Variants in BICD1 observed in about 807,000 individuals in gnomAD.
BICD1 encodes the protein BICD cargo adaptor 1.
In BICD1, 35 loss-of-function variants were observed where a neutral mutation model predicts 92.5. The ratio of observed to expected loss-of-function variants is 0.38; its 90% confidence interval spans 0.29 to 0.50. The LOEUF (loss-of-function observed/expected upper bound fraction) is 0.50. BICD1 is among the 20% of genes least tolerant of loss of function. BICD1 has a pLI of 0.93. For missense variants in BICD1, 950 were observed against 1,189.8 expected, an observed-to-expected ratio of 0.80 and a Z score of 2.97; for synonymous variants, 429 against 465.1, an observed-to-expected ratio of 0.92 and a Z score of 1.00.
intron 5 of BICD1, among the ~76,000 whole-genome samples, chr12:32,331,353 T>C (rs1291378882): frequency 1.3e-5 from 2 of 152,216 alleles, no homozygotes; most frequent in Non-Finnish European, 2.9e-5. Context: ...TTTAGAGTGA[T>C]GTAAACAGTA....
At chr12:32,363,433 G>C (rs765041232) in intron 8 of BICD1, among the ~76,000 whole-genome samples, 7 of 152,114 alleles carry the variant, frequency 4.6e-5, no homozygotes, top group Non-Finnish European at 1.0e-4. Context: ...CATTTCCCAA[G>C]CCTGTGGCCT....
Position 32,143,314 on chromosome 12 carries a change from T to C in BICD1, c.213+35770T>C, listed in dbSNP as rs116844560. 1.1e-3 allele frequency among the ~76,000 whole-genome samples: 165 copies of C among 152,348 alleles called. 1 individual carries two copies. In the East Asian group the frequency reaches 0.022, roughly 20 times the overall value. On this transcript the variant is annotated intron_variant, in intron 1 of 9. Transcript: ENST00000652176. ...AGCTTTCTCTGTCCCAGACAACCAT[T>C]GTCCACAACTTGTTGTAATAATTTA...
chr12:32,270,960 A>G (rs1350747636), intron 2 of BICD1, among the ~76,000 whole-genome samples: 1 of 152,152 alleles, frequency 6.6e-6, no homozygotes, highest in East Asian at 1.9e-4. Flanking sequence ...CAACATAGAG[A>G]GCAGCCGCTG....
chr12:32,117,071 G>T (rs1941942343), intron 1 of BICD1, among the ~76,000 whole-genome samples: 1 of 152,148 alleles, frequency 6.6e-6, no homozygotes, highest in South Asian at 2.1e-4. Context: ...GAGTCACTGG[G>T]AGCCAGATTT....
chr12:32,372,241 A>T (rs1939767613), intron 9 of BICD1, among the ~76,000 whole-genome samples: 1 of 152,158 alleles, frequency 6.6e-6, no homozygotes, highest in Non-Finnish European at 1.5e-5. Context: ...GCACTTTGGG[A>T]GGCCAAGGTG....
Position 32,161,428 on chromosome 12 carries a change from C to T in BICD1, c.213+53884C>T, listed in dbSNP as rs554484766. 3.5e-4 allele frequency among the ~76,000 whole-genome samples: 53 copies of T among 152,186 alleles called. 3 individuals are homozygous for T. The South Asian group carries it at 0.011, about 30-fold the overall frequency. On this transcript the variant is annotated intron_variant, in intron 1 of 9. Coordinates refer to ENST00000652176, the MANE Select transcript of BICD1 (RefSeq NM_001714.4). The stretch of plus-strand genomic sequence containing the variant: ...TTAGGAGAGAACAGTTTTACTTAAC[C>T]GTAATTGTTGAATTATAGCCATTGG...
At chr12:32,197,776 C>G (rs960246298) in intron 1 of BICD1, among the ~76,000 whole-genome samples, 2 of 152,164 alleles carry the variant, frequency 1.3e-5, no homozygotes, top group Non-Finnish European at 2.9e-5. Context: ...GGGTTTCACC[C>G]AGCAAGAGTT....
chr12:32,231,559 CTTTATTTATTTATTTA>C lies in BICD1; in HGVS notation c.426+15127_426+15142del, dbSNP rs150346060. On this transcript the variant is annotated intron_variant, in intron 2 of 9. Coordinates refer to ENST00000652176, the MANE Select transcript of BICD1 (RefSeq NM_001714.4). ...TACCAATTCTTTTAATTTGTGACTG[CTTTATTTATTTATTTA>C]TTTATTTATTTATTTATTTATTTAT... 3.1e-3 allele frequency among the ~76,000 whole-genome samples: 459 copies of C among 147,792 alleles called. 2 individuals are homozygous for C. Among genetic ancestry groups the C allele is most frequent in the African/African-American group, 9.1e-3 (367 of 40,218 alleles).
Position 32,130,930 on chromosome 12 carries a change from C to T in BICD1, c.213+23386C>T, listed in dbSNP as rs148661809. On this transcript the variant is annotated intron_variant, in intron 1 of 9. Transcript: ENST00000652176. ...TCAGCTCACTGCAACCTCTGCCTTT[C>T]GGGTTCAAGCAATTCTCCTGCCTTA... Among the ~76,000 whole-genome samples the T allele has an allele frequency of 8.1e-3, 1,233 of 152,176 alleles. 19 individuals carry two copies. The highest frequency in any genetic ancestry group is 0.028 in the African/African-American group (1,148 of 41,514).
intron 1 of BICD1, among the ~76,000 whole-genome samples, chr12:32,164,416 A>G (rs867213755): frequency 2.2e-4 from 33 of 152,338 alleles, no homozygotes; most frequent in African/African-American, 7.7e-4. Flanking sequence ...AAATCAGAAT[A>G]TATGGTTCAA....
At chr12:32,282,846 A>G (rs1056586383) in intron 2 of BICD1, among the ~76,000 whole-genome samples, 2 of 152,206 alleles carry the variant, frequency 1.3e-5, no homozygotes, top group African/African-American at 2.4e-5. Context: ...CACCGATCCA[A>G]TGACAACGTG....
At chr12:32,152,868 AG>A (rs1330058625) in intron 1 of BICD1, among the ~76,000 whole-genome samples, 1 of 152,216 alleles carries the variant, frequency 6.6e-6, no homozygotes, top group Non-Finnish European at 1.5e-5. Flanking sequence ...ATCTGAGAAA[AG>A]GTTGTTCAGT....
In BICD1 at chr12:32,289,531, G is replaced by A. The variant is rs188040345; in HGVS notation, c.427-4463G>A. On this transcript the variant is annotated intron_variant, in intron 2 of 9. Transcript: ENST00000652176. Reference sequence around the variant, plus strand: ...CTCCCAAGTAGCTAGGACTACAGGCGCGTGCCACCACACCCAGCTAATTTT... The same window carrying A: ...CTCCCAAGTAGCTAGGACTACAGGCACGTGCCACCACACCCAGCTAATTTT... Among the ~76,000 whole-genome samples the A allele has an allele frequency of 1.1e-4, 17 of 152,258 alleles. No individual in the cohort carries two copies. In the East Asian group the frequency reaches 1.2e-3, roughly 10 times the overall value.
chr12:32,223,056 G>T (rs1945581509), intron 2 of BICD1, among the ~76,000 whole-genome samples: 2 of 152,206 alleles, frequency 1.3e-5, no homozygotes, highest in South Asian at 4.1e-4. Flanking sequence ...ATCTTAGCTA[G>T]ATCTGCTGGA....
intron 1 of BICD1, among the ~76,000 whole-genome samples, chr12:32,120,887 GAGAGAGAGAA>G (rs1051440138): frequency 8.2e-4 from 38 of 46,490 alleles, no homozygotes; most frequent in African/African-American, 1.9e-3. Flanking sequence ...GAGAGAGAGA[GAGAGAGAGAA>G]AAAAAAAAGG....
At chr12:32,121,133 T>C (rs1469206546) in intron 1 of BICD1, among the ~76,000 whole-genome samples, 3 of 151,908 alleles carry the variant, frequency 2.0e-5, no homozygotes, top group Non-Finnish European at 4.4e-5. Context: ...CATGCCTGGC[T>C]AAGTTTTTGT....
chr12:32,328,346 A>G lies in BICD1; in HGVS notation c.1891A>G (p.Ile631Val), dbSNP rs201557218. 9.3e-6 allele frequency: 15 copies of G among 1,614,140 alleles called. No individual in the cohort carries two copies. In the East Asian group the frequency reaches 1.8e-4, roughly 19 times the overall value. The change falls in exon 5 of 10, where the codon ATA becomes GTA. Residue 631 changes from isoleucine to valine, a missense_variant. Physicochemically the swap from Ile to Val is conservative, Grantham distance 29 (BLOSUM62 3). Coordinates refer to ENST00000652176, the MANE Select transcript of BICD1 (RefSeq NM_001714.4). The surrounding 1 kb of genome is among the most constrained non-coding windows in gnomAD (Gnocchi z 4.4). ...EPMNIYNLNAIIRDQIKHLQK... is the reference protein window; with the variant it reads ...EPMNIYNLNAVIRDQIKHLQK... ...AATGAATATCTACAACCTTAATGCC[A>G]TAATCCGGGACCAAATCAAGCATCT...
At chr12:32,340,656 T>A in intron 8 of BICD1, 17 of 401,342 alleles carry the variant, frequency 4.2e-5, no homozygotes, top group South Asian at 1.0e-4. Flanking sequence ...CATGAATATA[T>A]ACTTTATATT....
At chr12:32,141,523 G>C (rs774939809) in intron 1 of BICD1, among the ~76,000 whole-genome samples, 2 of 152,182 alleles carry the variant, frequency 1.3e-5, no homozygotes, top group Admixed American at 1.3e-4. Flanking sequence ...GCCCAGGCTG[G>C]AGTGCAGTGG....
Sources: allele counts gnomAD v4.1 joint callset (sites outside exome capture counted in the v4.1 genomes callset), GRCh38; gene constraint gnomAD v4.1.1; non-coding constraint Gnocchi (gnomAD v3.1); transcripts MANE v1.5; gene names NCBI Gene and HGNC (gene_info 2026-07-23, HGNC 2026-07-21).